The following KATNBL1 variants were observed in gnomAD, a reference collection of about 807,000 sequenced individuals.
The protein encoded by KATNBL1 is KATNB1-like protein 1.
KATNBL1 carries 28 observed loss-of-function variants against 44.7 expected under a neutral mutation model. The observed-to-expected ratio is 0.63, with a 90% confidence interval of 0.46 to 0.86. KATNBL1 has a LOEUF of 0.86. Among genes scored for constraint, KATNBL1 ranks in the 40% least tolerant of loss-of-function variants. The pLI is 0.00. For missense variants in KATNBL1, 272 were observed against 350.7 expected (o/e 0.78, Z 1.79); for synonymous variants, 78 against 114.9 (o/e 0.68, Z 2.06).
At chr15:34,199,845 ACGGAAAGAACAAAG>A (rs1446661790) in intron 1 of KATNBL1, 2 of 858 alleles carry the variant, frequency 2.3e-3, no homozygotes, top group Non-Finnish European at 3.1e-3. Context: ...AGAACAAAGT[ACGGAAAGAACAAAG>A]TTTCCACGGT....
chr15:34,167,523 C>G (rs1889017206), intron 1 of KATNBL1, among the ~76,000 whole-genome samples: 1 of 152,152 alleles, frequency 6.6e-6, no homozygotes, highest in Admixed American at 6.6e-5. Flanking sequence ...AAACACTCTT[C>G]AGGGTATTAT....
intron 1 of KATNBL1, among the ~76,000 whole-genome samples, chr15:34,185,830 T>C (rs1889700232): frequency 6.6e-6 from 1 of 152,114 alleles, no homozygotes; most frequent in Admixed American, 6.5e-5. Context: ...GAAGAGTTGG[T>C]CAACAGGAAG....
intron 1 of KATNBL1, 21 bp from the exon 2 acceptor site, chr15:34,163,711 G>C: frequency 7.3e-7 from 1 of 1,371,902 alleles, no homozygotes; most frequent in South Asian, 1.4e-5. Context: ...AAATAAAATA[G>C]AAAATTAAAA....
chr15:34,186,972 C>G (rs1415042437), intron 1 of KATNBL1, among the ~76,000 whole-genome samples: 1 of 152,218 alleles, frequency 6.6e-6, no homozygotes. Context: ...AACTGGCATG[C>G]ACTTCCTCCT....
At chr15:34,185,976 A>G (rs1889703756) in intron 1 of KATNBL1, among the ~76,000 whole-genome samples, 1 of 152,218 alleles carries the variant, frequency 6.6e-6, no homozygotes, top group African/African-American at 2.4e-5. Flanking sequence ...AGGAATTCAT[A>G]TAAGACAAGA....
intron 9 of KATNBL1, 173 bp from the exon 10 acceptor site, chr15:34,142,544 G>C: frequency 1.6e-6 from 1 of 610,052 alleles, no homozygotes; most frequent in Non-Finnish European, 2.7e-6. Context: ...CACAGGGCCT[G>C]GCACATAGTA....
In KATNBL1 at chr15:34,201,592, C is replaced by T. The variant is rs1013579505; in HGVS notation, c.-15+8359G>A. ...GAATCTTTGGGAAGACTTAGGACTT[C>T]TTACGCCTAGAAGTAGATGGTTATG... On this transcript the variant is annotated intron_variant, in intron 1 of 9. Transcript: ENST00000256544. Among the ~76,000 whole-genome samples the T allele has an allele frequency of 3.9e-4, 59 of 152,174 alleles. 1 individual carries two copies. The highest frequency in any genetic ancestry group is 2.9e-5 in the Non-Finnish European group (2 of 68,020).
intron 1 of KATNBL1, among the ~76,000 whole-genome samples, chr15:34,166,370 A>G (rs1294977772): frequency 6.6e-6 from 1 of 152,248 alleles, no homozygotes; most frequent in African/African-American, 2.4e-5. Context: ...GCGAAGCAGC[A>G]GCCTGGCAGG....
At position 34,141,496 on chromosome 15, in the gene KATNBL1, T is replaced by C. The variant is rs527671238; in HGVS notation, c.*843A>G. On this transcript the variant is annotated 3_prime_UTR_variant, in exon 10 of 10. Coordinates refer to ENST00000256544, the MANE Select transcript of KATNBL1 (RefSeq NM_024713.3). ...TGTACAATAAAAAGTAAATATAAAT[T>C]AGCCAAGTCCATGGACATTTCCAGT... 1 of 152,678 alleles carries C rather than the reference T, an allele frequency of 6.5e-6. No individual in the cohort carries two copies. The highest frequency in any genetic ancestry group is 2.4e-5 in the African/African-American group (1 of 41,574). 9.5% of individuals were successfully genotyped at this position (152,678 alleles called of 1,614,324 possible). A position where few individuals can be genotyped will look rare whatever the true frequency, so the allele number is the denominator to read the frequency against.
intron 1 of KATNBL1, among the ~76,000 whole-genome samples, chr15:34,183,415 A>C (rs1401904670): frequency 6.6e-6 from 1 of 152,198 alleles, no homozygotes; most frequent in Non-Finnish European, 1.5e-5. Flanking sequence ...CTGGGTAAAA[A>C]ATTAAAGACT....
At chr15:34,169,921 T>C (rs974365351) in intron 1 of KATNBL1, among the ~76,000 whole-genome samples, 4 of 152,162 alleles carry the variant, frequency 2.6e-5, no homozygotes, top group African/African-American at 9.7e-5. Context: ...ATAAACTAGG[T>C]ACTGAAGAAT....
At chr15:34,165,201 T>G (rs149565631) in intron 1 of KATNBL1, among the ~76,000 whole-genome samples, 1 of 152,196 alleles carries the variant, frequency 6.6e-6, no homozygotes, top group Admixed American at 6.5e-5. Flanking sequence ...CACGGTTTGT[T>G]TGGCAATCTC....
At chr15:34,192,243 A>G (rs2140987047) in intron 1 of KATNBL1, among the ~76,000 whole-genome samples, 1 of 152,096 alleles carries the variant, frequency 6.6e-6, no homozygotes, top group East Asian at 1.9e-4. Context: ...TCTCTACTAA[A>G]AGTACAAAAA....
chr15:34,143,006 G>T, intron 9 of KATNBL1: 1 of 1,208,206 alleles, frequency 8.3e-7, no homozygotes, highest in Non-Finnish European at 1.1e-6. Context: ...CACCTTGCCC[G>T]GCCCTCTTCT....
intron 1 of KATNBL1, among the ~76,000 whole-genome samples, chr15:34,178,505 C>T (rs1208485681): frequency 1.3e-5 from 2 of 152,158 alleles, no homozygotes; most frequent in Non-Finnish European, 2.9e-5. Flanking sequence ...CACCTGTAAT[C>T]TCAGCACTTT....
chr15:34,186,954 C>A (rs1889734847), intron 1 of KATNBL1, among the ~76,000 whole-genome samples: 1 of 152,212 alleles, frequency 6.6e-6, no homozygotes, highest in Non-Finnish European at 1.5e-5. Context: ...CATGACAGCC[C>A]ATGGATCAAC....
In KATNBL1 at chr15:34,155,624, T is replaced by G. The variant is rs527325020; in HGVS notation, c.118-940A>C. On this transcript the variant is annotated intron_variant, in intron 2 of 9. Coordinates refer to ENST00000256544, the MANE Select transcript of KATNBL1 (RefSeq NM_024713.3). Reference sequence around the variant, plus strand: ...TCATCAGGGGCGGTATTGTTTGGGATGAAGGTACAACACTGAGTTTTAATC... The same window carrying G: ...TCATCAGGGGCGGTATTGTTTGGGAGGAAGGTACAACACTGAGTTTTAATC... 3.1e-3 allele frequency among the ~76,000 whole-genome samples: 477 copies of G among 152,312 alleles called. 5 individuals are homozygous for G. The highest frequency in any genetic ancestry group is 0.011 in the African/African-American group (466 of 41,578).
intron 1 of KATNBL1, among the ~76,000 whole-genome samples, chr15:34,181,490 AAATT>A (rs1889522615): frequency 6.6e-6 from 1 of 150,800 alleles, no homozygotes; most frequent in African/African-American, 2.4e-5. Flanking sequence ...TTACTATTAA[AAATT>A]AATAATTAAT....
At chr15:34,151,896 T>C (rs913284111) in intron 4 of KATNBL1, among the ~76,000 whole-genome samples, 1 of 152,040 alleles carries the variant, frequency 6.6e-6, no homozygotes, top group East Asian at 1.9e-4. Flanking sequence ...CAGGCAATAT[T>C]GAGAGCCCGG....
Sources: allele counts gnomAD v4.1 joint callset (sites outside exome capture counted in the v4.1 genomes callset), GRCh38; gene constraint gnomAD v4.1.1; transcripts MANE v1.5; gene names NCBI Gene and HGNC (gene_info 2026-07-23, HGNC 2026-07-21).